VPS50: variants seen among roughly 807,000 people sequenced by gnomAD.
The protein encoded by VPS50 is VPS50 subunit of EARP/GARPII complex.
Under a neutral mutation model 139.7 loss-of-function variants are expected in VPS50, and 70 were observed. The ratio of observed to expected loss-of-function variants is 0.50; its 90% CI spans 0.41 to 0.61. VPS50 has a LOEUF of 0.61. Ranked by LOEUF, VPS50 falls within the 20% of genes least tolerant of loss-of-function variation. The pLI is 0.00. For synonymous variants in VPS50, 365 were observed against 376.7 expected, an observed-to-expected ratio of 0.97 and a Z score of 0.36; for missense variants, 921 against 1,133.7, an observed-to-expected ratio of 0.81 and a Z score of 2.69.
chr7:93,340,245 C>T (rs1460158353), intron 22 of VPS50, among the ~76,000 whole-genome samples: 1 of 152,116 alleles, frequency 6.6e-6, no homozygotes, highest in Non-Finnish European at 1.5e-5. Context: ...TTCTAAACAG[C>T]CTTCTTTCAT....
intron 11 of VPS50, 173 bp from the exon 12 acceptor site, chr7:93,275,992 T>C (rs2116894177): frequency 1.7e-6 from 1 of 580,896 alleles, no homozygotes; most frequent in Middle Eastern, 4.5e-4. Flanking sequence ...ATGTGAAGGA[T>C]TATTTGCAAA....
At chr7:93,322,236 A>G (rs1421001994) in intron 20 of VPS50, among the ~76,000 whole-genome samples, 1 of 152,218 alleles carries the variant, frequency 6.6e-6, no homozygotes, top group Admixed American at 6.5e-5. Flanking sequence ...GATAGTAGAC[A>G]TTTCCTTTGG....
intron 11 of VPS50, among the ~76,000 whole-genome samples, chr7:93,274,681 G>A (rs1796102461): frequency 6.6e-6 from 1 of 152,176 alleles, no homozygotes; most frequent in African/African-American, 2.4e-5. Context: ...GGATCAAGGA[G>A]TAATTTTGGC....
chr7:93,327,102 C>G (rs1797803983), intron 21 of VPS50, among the ~76,000 whole-genome samples: 1 of 152,132 alleles, frequency 6.6e-6, no homozygotes, highest in South Asian at 2.1e-4. Context: ...GTAGGTGAGC[C>G]TTACTTTGTC....
At chr7:93,310,744 T>TTTTAC (rs1164750081) in intron 19 of VPS50, among the ~76,000 whole-genome samples, 4 of 152,044 alleles carry the variant, frequency 2.6e-5, no homozygotes, top group African/African-American at 9.7e-5. Flanking sequence ...ACCATATAGC[T>TTTTAC]TTTACTTTTC....
chr7:93,343,648 TA>T, intron 23 of VPS50, among the ~76,000 whole-genome samples: 1 of 152,308 alleles, frequency 6.6e-6, no homozygotes, highest in East Asian at 1.9e-4. Context: ...GCAGAAACTC[TA>T]CAAGCCAGAA....
chr7:93,263,048 T>TC (rs397889642), intron 9 of VPS50, among the ~76,000 whole-genome samples: 1 of 152,158 alleles, frequency 6.6e-6, no homozygotes, highest in Non-Finnish European at 1.5e-5. Context: ...TGTTTTTTTT[T>TC]CTGTGCGTTT....
chr7:93,276,264 GAC>G lies in VPS50; in HGVS notation c.905_906del (p.Thr302LysfsTer8). 1 of 1,613,592 alleles carries G rather than the reference GAC, an allele frequency of 6.2e-7. No individual in the cohort carries two copies. Among genetic ancestry groups the G allele is most frequent in the African/African-American group, 1.3e-5 (1 of 75,002 alleles). The part of the protein sequence containing the change: ...GYVELCAGNT[D>X]TKFQKLQYKD... Reference sequence around the variant, plus strand: ...TGTGGAACTATGTGCAGGAAACACAGACACAAAATTCCAAAAGCTGCAATATA... The same window carrying G: ...TGTGGAACTATGTGCAGGAAACACAGACAAAATTCCAAAAGCTGCAATATA... On this transcript the variant is annotated frameshift_variant, in exon 12 of 28. Transcript: ENST00000305866. LOFTEE classifies it high-confidence loss of function.
intron 2 of VPS50, among the ~76,000 whole-genome samples, chr7:93,240,777 C>T (rs1026175132): frequency 6.6e-5 from 10 of 152,160 alleles, no homozygotes; most frequent in South Asian, 2.1e-4. Context: ...CCTTACACCT[C>T]GGTGTCAGCT....
intron 20 of VPS50, among the ~76,000 whole-genome samples, chr7:93,315,022 A>T (rs551939139): frequency 6.6e-6 from 1 of 152,328 alleles, no homozygotes; most frequent in South Asian, 2.1e-4. Flanking sequence ...TCCTCAGACA[A>T]AACGACTCAG....
intron 23 of VPS50, among the ~76,000 whole-genome samples, chr7:93,346,985 T>C: frequency 2.2e-5 from 3 of 139,516 alleles, no homozygotes; most frequent in African/African-American, 8.0e-5. Context: ...GGGATCTAAT[T>C]AAACTAAAGA....
Position 93,323,711 on chromosome 7 carries a change from C to CT in VPS50, c.1962dup (p.Gly655TrpfsTer4). The CT allele has an allele frequency of 4.2e-6, 6 of 1,424,756 alleles. No individual in the cohort carries two copies. The highest frequency in any genetic ancestry group is 4.7e-6 in the Non-Finnish European group (5 of 1,065,160). 88.3% of individuals were successfully genotyped at this position (1,424,756 alleles called of 1,614,324 possible). A position where few individuals can be genotyped will look rare whatever the true frequency, so the allele number is the denominator to read the frequency against. ...ATTATTACTTGTATGCAATATATAC[C>CT]TTTTTTGGTCGGAATGATTCAGTAA... On this transcript the variant is annotated frameshift_variant, in exon 21 of 28. Coordinates refer to ENST00000305866, the MANE Select transcript of VPS50 (RefSeq NM_017667.4). LOFTEE classifies it high-confidence loss of function.
At chr7:93,347,046 A>C (rs1368112036) in intron 23 of VPS50, among the ~76,000 whole-genome samples, 1 of 145,444 alleles carries the variant, frequency 6.9e-6, no homozygotes, top group African/African-American at 2.5e-5. Context: ...GCAACCTACA[A>C]AATGGGAGAA....
chr7:93,298,146 T>G (rs1460783829), intron 16 of VPS50, among the ~76,000 whole-genome samples: 1 of 152,162 alleles, frequency 6.6e-6, no homozygotes, highest in Non-Finnish European at 1.5e-5. Flanking sequence ...GTTATCTCTG[T>G]TAATTGTAAA....
intron 2 of VPS50, among the ~76,000 whole-genome samples, chr7:93,249,943 G>A (rs1352822604): frequency 6.6e-6 from 1 of 152,022 alleles, no homozygotes; most frequent in East Asian, 1.9e-4. Context: ...CACTGTCCAG[G>A]GTGCTAAATG....
intron 16 of VPS50, among the ~76,000 whole-genome samples, chr7:93,298,332 T>G (rs1313756470): frequency 1.3e-5 from 2 of 152,188 alleles, no homozygotes; most frequent in Non-Finnish European, 2.9e-5. Context: ...TATAAGTTCC[T>G]TGTCTGCTAA....
intron 12 of VPS50, among the ~76,000 whole-genome samples, chr7:93,285,811 T>C (rs1796466362): frequency 6.6e-6 from 1 of 152,186 alleles, no homozygotes; most frequent in African/African-American, 2.4e-5. Context: ...AAGGAATGAA[T>C]TGTGGCGTTG....
intron 21 of VPS50, among the ~76,000 whole-genome samples, chr7:93,327,033 A>C (rs1258608314): frequency 6.6e-6 from 1 of 152,206 alleles, no homozygotes; most frequent in Admixed American, 6.5e-5. Flanking sequence ...AAACTCACTA[A>C]ATAAATATTG....
intron 1 of VPS50, 104 bp from the exon 2 acceptor site, chr7:93,239,762 A>T: frequency 3.1e-6 from 2 of 641,410 alleles, no homozygotes; most frequent in Admixed American, 5.3e-5. Context: ...AAGCAGGAAA[A>T]TTTCTATTTT....
Sources: gnomAD v4.1 joint callset for allele counts (sites outside exome capture counted in the v4.1 genomes callset) on GRCh38, gnomAD v4.1.1 for gene constraint, MANE v1.5 for transcripts, NCBI Gene and HGNC (gene_info 2026-07-23, HGNC 2026-07-21) for gene names.